Variants in HELZ observed in about 807,000 individuals in gnomAD.
The protein encoded by HELZ is helicase with zinc finger, also known as ATP-dependent RNA helicase with zinc finger domain.
A neutral mutation model predicts 218.2 loss-of-function variants in HELZ; 23 were observed. That is an observed-to-expected ratio of 0.11 (90% CI 0.08 to 0.15). HELZ has a LOEUF of 0.15. Ranked by LOEUF, HELZ falls within the 10% of genes least tolerant of loss-of-function variation. The pLI is 1.00. For missense variants in HELZ, 1,813 were observed against 2,353.7 expected (o/e 0.77, Z 4.75); for synonymous variants, 814 against 829.4 (o/e 0.98, Z 0.32).
intron 22 of HELZ, among the ~76,000 whole-genome samples, chr17:67,137,049 T>G (rs2038175912): frequency 6.6e-6 from 1 of 152,144 alleles, no homozygotes; most frequent in African/African-American, 2.4e-5. Context: ...AAGGACCCTT[T>G]GTTGAAGCAG....
At chr17:67,115,582 T>C (rs1282768271) in intron 27 of HELZ, among the ~76,000 whole-genome samples, 1 of 151,862 alleles carries the variant, frequency 6.6e-6, no homozygotes, top group Non-Finnish European at 1.5e-5. Context: ...ACTTGTTACA[T>C]ACAGAAAAAC....
intron 13 of HELZ, among the ~76,000 whole-genome samples, chr17:67,172,842 A>G (rs959818524): frequency 6.6e-6 from 1 of 151,992 alleles, no homozygotes; most frequent in Non-Finnish European, 1.5e-5. Flanking sequence ...CTGGGCTCAA[A>G]AGACCTGCCC....
Position 67,125,286 on chromosome 17 carries a change from CTATATATATATATATATA to C in HELZ, c.3388-1290_3388-1273del, listed in dbSNP as rs57513241. The stretch of plus-strand genomic sequence containing the variant: ...GCATGTTCACAGTGATTGGCACCAA[CTATATATATATATATATA>C]TATATATATATATATATATATATAT... On this transcript the variant is annotated intron_variant, in intron 24 of 32. Coordinates refer to ENST00000358691, the MANE Select transcript of HELZ (RefSeq NM_014877.4). Among the ~76,000 whole-genome samples, 167 of 70,108 alleles carry C rather than the reference CTATATATATATATATATA, an allele frequency of 2.4e-3. 3 individuals carry two copies. The highest frequency in any genetic ancestry group is 6.1e-3 in the African/African-American group (78 of 12,780). The allele number at this position is 70,108 out of a possible 152,430, so 46.0% of individuals were successfully genotyped here. A position where few individuals can be genotyped will look rare whatever the true frequency, so the allele number is the denominator to read the frequency against.
chr17:67,151,299 T>C (rs961723736), intron 17 of HELZ, 75 bp from the exon 18 acceptor site: 4 of 1,173,584 alleles, frequency 3.4e-6, no homozygotes, highest in African/African-American at 3.1e-5. Flanking sequence ...AACACTGACA[T>C]TGTTATTTTA....
rs768202498 is a variant in HELZ at position 67,120,491 on chromosome 17, T to C, written c.3752A>G (p.Tyr1251Cys). Residue 1251 changes from tyrosine to cysteine, a missense_variant, in exon 27 of 33, where the codon TAT (tyrosine) becomes TGT (cysteine). Coordinates refer to ENST00000358691, the MANE Select transcript of HELZ (RefSeq NM_014877.4). ...GACAGGTGGGTGATGTCCAAGGCCA[T>C]AAGGAATAGGAGATCCTCGTCCATG... ...QTHGRGSPIPYGLGHHPPVTI... is the reference protein window; with the variant it reads ...QTHGRGSPIPCGLGHHPPVTI... 14 of 1,613,948 alleles carry C rather than the reference T, an allele frequency of 8.7e-6. No homozygotes were observed. Among genetic ancestry groups the C allele is most frequent in the Non-Finnish European group, 1.2e-5 (14 of 1,179,950 alleles).
At chr17:67,134,348 G>T (rs2038079670) in intron 23 of HELZ, among the ~76,000 whole-genome samples, 1 of 151,108 alleles carries the variant, frequency 6.6e-6, no homozygotes. Flanking sequence ...CTGCACCATT[G>T]CATTCCAGCC....
chr17:67,151,063 T>G lies in HELZ; in HGVS notation c.2339A>C (p.Gln780Pro). The change falls in exon 18 of 33, where the codon CAG becomes CCG. Residue 780 changes from glutamine (Q) to proline (P), a missense_variant. Physicochemically the swap from Gln to Pro is moderately conservative, Grantham distance 76. Transcript: ENST00000358691. ...VTLNTSQYLCQLDLEPGFFTH... is the reference protein window; with the variant it reads ...VTLNTSQYLCPLDLEPGFFTH... ...CAGCATACCAGGTTCAAGGTCCAAC[T>G]GACAGAGGTACTGGGAAGTATTCAA... 1 of 1,613,904 alleles carries G rather than the reference T, an allele frequency of 6.2e-7. No individual in the cohort carries two copies. The highest frequency in any genetic ancestry group is 2.2e-5 in the East Asian group (1 of 44,864).
intron 32 of HELZ, among the ~76,000 whole-genome samples, chr17:67,079,111 CTAT>C (rs1382896476): frequency 6.6e-6 from 1 of 152,158 alleles, no homozygotes; most frequent in Non-Finnish European, 1.5e-5. Context: ...TTCACATTTC[CTAT>C]AATGTGCCTG....
chr17:67,225,800 G>T (rs1477992318), intron 3 of HELZ, among the ~76,000 whole-genome samples: 7 of 152,042 alleles, frequency 4.6e-5, no homozygotes, highest in Admixed American at 4.6e-4. Context: ...TTCTAAAATT[G>T]ATTCATCTTA....
chr17:67,198,999 T>C (rs2040098449), intron 7 of HELZ, among the ~76,000 whole-genome samples: 1 of 152,026 alleles, frequency 6.6e-6, no homozygotes, highest in African/African-American at 2.4e-5. Flanking sequence ...TAAAATAAAT[T>C]GCATGTGATT....
At chr17:67,099,446 C>T (rs1029943652) in intron 31 of HELZ, among the ~76,000 whole-genome samples, 1 of 152,158 alleles carries the variant, frequency 6.6e-6, no homozygotes, top group Non-Finnish European at 1.5e-5. Flanking sequence ...TATAAATATG[C>T]TTCATGTTTT....
chr17:67,078,347 G>C lies in HELZ; in HGVS notation c.5734C>G (p.Gln1912Glu), dbSNP rs1309604854. 6.2e-7 allele frequency: 1 copy of C among 1,613,800 alleles called. No individual in the cohort carries two copies. Residue 1912 changes from glutamine to glutamate, a missense_variant, in exon 33 of 33, where the codon CAG becomes GAG. Gln to Glu is a conservative substitution (Grantham distance 29). Coordinates refer to ENST00000358691, the MANE Select transcript of HELZ (RefSeq NM_014877.4). Reference protein sequence around the residue: ...APPKPRPPPEQAKKSSDPLSL... With the variant: ...APPKPRPPPEEAKKSSDPLSL... ...AGAGGGTCGCTACTCTTCTTGGCCT[G>C]CTCAGGAGGGGGCCTGGGCTTTGGA...
chr17:67,152,483 A>G (rs1272830668), intron 17 of HELZ, among the ~76,000 whole-genome samples: 1 of 152,196 alleles, frequency 6.6e-6, no homozygotes, highest in African/African-American at 2.4e-5. Flanking sequence ...GAATTTACTG[A>G]TGAACTAGAA....
intron 24 of HELZ, among the ~76,000 whole-genome samples, chr17:67,126,341 T>C (rs1161652356): frequency 6.6e-6 from 1 of 152,144 alleles, no homozygotes; most frequent in African/African-American, 2.4e-5. Flanking sequence ...ATGGGTACTG[T>C]GTAGTATACT....
chr17:67,125,766 C>T (rs4790891), intron 24 of HELZ, among the ~76,000 whole-genome samples: 91,026 of 151,942 alleles, frequency 0.6, 28,535 homozygotes, highest in East Asian at 0.88. Flanking sequence ...AAATTTAAAA[C>T]AGGGAGATTA....
At chr17:67,113,172 T>C (rs2037330843) in intron 28 of HELZ, among the ~76,000 whole-genome samples, 1 of 152,160 alleles carries the variant, frequency 6.6e-6, no homozygotes, top group Non-Finnish European at 1.5e-5. Context: ...AAATATGCTA[T>C]AGGCTGACAG....
chr17:67,200,386 A>G (rs1449012233), intron 7 of HELZ, among the ~76,000 whole-genome samples: 1 of 152,028 alleles, frequency 6.6e-6, no homozygotes, highest in African/African-American at 2.4e-5. Context: ...TCCATCTCCT[A>G]AACACATTCC....
At chr17:67,148,438 T>C in intron 20 of HELZ, 131 bp downstream of exon 20, 2 of 688,780 alleles carry the variant, frequency 2.9e-6, no homozygotes, top group Non-Finnish European at 4.7e-6. Flanking sequence ...AAATTAAACA[T>C]AATTTGCAAG....
At chr17:67,136,483 A>T (rs1279576164) in intron 22 of HELZ, among the ~76,000 whole-genome samples, 1 of 152,240 alleles carries the variant, frequency 6.6e-6, no homozygotes, top group Non-Finnish European at 1.5e-5. Context: ...TGACTCAAAC[A>T]GATATCTGTA....
Sources: gnomAD v4.1 joint callset for allele counts (sites outside exome capture counted in the v4.1 genomes callset) on GRCh38, gnomAD v4.1.1 for gene constraint, MANE v1.5 for transcripts, NCBI Gene and HGNC (gene_info 2026-07-23, HGNC 2026-07-21) for gene names.